PLD1: variants seen among roughly 807,000 people sequenced by gnomAD.
PLD1 encodes the protein phospholipase D1.
PLD1 carries 112 observed loss-of-function variants against 137.1 expected under a neutral mutation model. The observed-to-expected ratio is 0.82, with a 90% CI of 0.70 to 0.96. The LOEUF is 0.96. Among genes scored for constraint, PLD1 ranks in the 40% least tolerant of loss-of-function variants. PLD1 has a pLI of 0.00. For synonymous variants in PLD1, 431 were observed against 454.7 expected, an observed-to-expected ratio of 0.95 and a Z score of 0.66; for missense variants, 1,321 against 1,342.0, an observed-to-expected ratio of 0.98 and a Z score of 0.24.
intron 12 of PLD1, among the ~76,000 whole-genome samples, chr3:171,693,934 G>A (rs530194429): frequency 9.2e-5 from 14 of 151,944 alleles, no homozygotes; most frequent in East Asian, 1.9e-4. Context: ...AATGCTATAC[G>A]ATCTAACATA....
At chr3:171,632,292 G>T (rs2108336104) in intron 23 of PLD1, among the ~76,000 whole-genome samples, 1 of 152,198 alleles carries the variant, frequency 6.6e-6, no homozygotes, top group South Asian at 2.1e-4. Context: ...ATGATTGAAA[G>T]ATAATTTCAG....
At chr3:171,628,531 T>C (rs1162523622) in intron 23 of PLD1, among the ~76,000 whole-genome samples, 3 of 152,112 alleles carry the variant, frequency 2.0e-5, no homozygotes, top group African/African-American at 7.2e-5. Context: ...ATCATCCTGA[T>C]ACCAAAGCCG....
chr3:171,678,593 G>A (rs140815227), intron 16 of PLD1, among the ~76,000 whole-genome samples: 2 of 152,336 alleles, frequency 1.3e-5, no homozygotes, highest in South Asian at 2.1e-4. Flanking sequence ...AAAAATATGT[G>A]TTGAATGAAT....
chr3:171,691,236 T>C (rs1715118087), intron 13 of PLD1, among the ~76,000 whole-genome samples: 1 of 152,200 alleles, frequency 6.6e-6, no homozygotes, highest in Non-Finnish European at 1.5e-5. Flanking sequence ...ACCATATAGT[T>C]GGATCATGGT....
intron 23 of PLD1, among the ~76,000 whole-genome samples, chr3:171,638,252 G>A (rs547685158): frequency 6.6e-6 from 1 of 152,002 alleles, no homozygotes; most frequent in South Asian, 2.1e-4. Context: ...GTTGCTCTGG[G>A]TGTGAGTGGT....
chr3:171,737,829 T>C (rs1163093548), intron 2 of PLD1, 63 bp downstream of exon 2: 3 of 1,525,236 alleles, frequency 2.0e-6, no homozygotes, highest in South Asian at 1.3e-5. Flanking sequence ...TACTTCAAAT[T>C]TGTGGTCTTC....
chr3:171,720,293 CA>C lies in PLD1; in HGVS notation c.758+4402del, dbSNP rs752618596. Among the ~76,000 whole-genome samples the C allele has an allele frequency of 3.0e-3, 204 of 67,912 alleles. 2 individuals carry two copies. The highest frequency in any genetic ancestry group is 6.8e-3 in the South Asian group (11 of 1,616). The allele number at this position is 67,912 out of a possible 152,430, so 44.6% of individuals were successfully genotyped here. A position where few individuals can be genotyped will look rare whatever the true frequency, so the allele number is the denominator to read the frequency against. On this transcript the variant is annotated intron_variant, in intron 8 of 26. Coordinates refer to ENST00000351298, the MANE Select transcript of PLD1 (RefSeq NM_002662.5). The stretch of plus-strand genomic sequence containing the variant: ...TTGGTGACAAGGTGAGACCCTGTCT[CA>C]AAAAAAAAAAAAAAAAAAAGGCCGG...
intron 1 of PLD1, among the ~76,000 whole-genome samples, chr3:171,781,763 C>T (rs550734776): frequency 4.6e-4 from 70 of 152,286 alleles, no homozygotes; most frequent in African/African-American, 1.6e-3. Context: ...ACAGAGACAG[C>T]ACAACTCTCA....
intron 16 of PLD1, among the ~76,000 whole-genome samples, chr3:171,678,701 AAAACCC>A (rs1237115570): frequency 1.1e-4 from 17 of 152,328 alleles, no homozygotes; most frequent in African/African-American, 4.1e-4. Flanking sequence ...CTCTTTGCTT[AAAACCC>A]TGGAAGGTTC....
chr3:171,659,919 T>C (rs1737528154), intron 20 of PLD1, among the ~76,000 whole-genome samples: 1 of 152,240 alleles, frequency 6.6e-6, no homozygotes, highest in Non-Finnish European at 1.5e-5. Context: ...TTCCTCTAAG[T>C]ACTTCTGCTA....
chr3:171,641,826 A>ATT (rs1670182481), intron 23 of PLD1, among the ~76,000 whole-genome samples: 3 of 152,148 alleles, frequency 2.0e-5, no homozygotes, highest in South Asian at 4.1e-4. Context: ...ATGAATCTTC[A>ATT]TATAAACGTC....
intron 24 of PLD1, among the ~76,000 whole-genome samples, chr3:171,614,647 T>C (rs1407421279): frequency 6.6e-6 from 1 of 152,236 alleles, no homozygotes. Context: ...AATCGCCCCA[T>C]GTGTGAACTG....
chr3:171,707,076 G>A (rs538416050), intron 11 of PLD1, among the ~76,000 whole-genome samples: 13 of 152,190 alleles, frequency 8.5e-5, no homozygotes, highest in Non-Finnish European at 1.3e-4. Flanking sequence ...ACAAAAAACC[G>A]AATACTACAT....
chr3:171,746,380 G>A (rs895613015), intron 1 of PLD1, among the ~76,000 whole-genome samples: 4 of 152,240 alleles, frequency 2.6e-5, no homozygotes, highest in Non-Finnish European at 4.4e-5. Context: ...ATGTCTAGCT[G>A]GAGGATCCTA....
chr3:171,620,764 ATATATTATATATATT>A (rs1485593200), intron 23 of PLD1, among the ~76,000 whole-genome samples: 1 of 125,976 alleles, frequency 7.9e-6, no homozygotes, highest in African/African-American at 4.0e-5. Flanking sequence ...ATATATATAT[ATATATTATATATATT>A]TTTTTTTTAA....
At chr3:171,736,372 T>G (rs1416695392) in intron 3 of PLD1, among the ~76,000 whole-genome samples, 1 of 152,084 alleles carries the variant, frequency 6.6e-6, no homozygotes, top group East Asian at 1.9e-4. Context: ...AAGGCAAAGA[T>G]GAATTAAACC....
intron 13 of PLD1, among the ~76,000 whole-genome samples, chr3:171,689,982 T>C (rs1036778029): frequency 2.6e-5 from 4 of 152,222 alleles, no homozygotes; most frequent in Non-Finnish European, 4.4e-5. Context: ...AATTCCTCAT[T>C]AAATGTTTGG....
intron 21 of PLD1, among the ~76,000 whole-genome samples, chr3:171,645,983 T>C (rs971582730): frequency 1.3e-5 from 2 of 151,492 alleles, no homozygotes. Flanking sequence ...TTCTCTCAAG[T>C]GATTAATGAC....
At chr3:171,779,995 G>T (rs1210915027) in intron 1 of PLD1, among the ~76,000 whole-genome samples, 35 of 151,740 alleles carry the variant, frequency 2.3e-4, no homozygotes, top group African/African-American at 7.0e-4. Context: ...CTGGGGTTAG[G>T]ATATGTAAGT....
Sources: gnomAD v4.1 joint callset for allele counts (sites outside exome capture counted in the v4.1 genomes callset) on GRCh38, gnomAD v4.1.1 for gene constraint, MANE v1.5 for transcripts, NCBI Gene and HGNC (gene_info 2026-07-23, HGNC 2026-07-21) for gene names.